ODAD3: variants seen among roughly 807,000 people sequenced by gnomAD.
The protein encoded by ODAD3 is outer dynein arm-docking complex subunit 3.
In ODAD3, 57 loss-of-function variants were observed where a neutral mutation model predicts 70.9. The ratio of observed to expected loss-of-function variants is 0.80; its 90% CI spans 0.65 to 1.00. ODAD3 has a LOEUF of 1.00. Ranked by LOEUF, ODAD3 falls within the 50% of genes least tolerant of loss-of-function variation. The pLI is 0.00. For synonymous variants in ODAD3, 327 were observed against 315.9 expected (o/e 1.04, Z -0.37); for missense variants, 797 against 763.9 (o/e 1.04, Z -0.51).
In ODAD3 at chr19:11,424,004, T is replaced by G; in HGVS notation, c.989A>C (p.Gln330Pro). Residue 330 changes from glutamine to proline, a missense_variant, in exon 8 of 13, where the codon CAG (glutamine) becomes CCG (proline). By Grantham distance (76) the Gln-to-Pro change is moderately conservative. Transcript: ENST00000356392. ...RKTHREHLLL[Q>P]SDDTIQDSLH... Reference sequence around the variant, plus strand: ...GCTGTCCTGGATGGTGTCGTCGGACTGTAGCAGCAGGTGCTCGCGGTGGGT... The same window carrying G: ...GCTGTCCTGGATGGTGTCGTCGGACGGTAGCAGCAGGTGCTCGCGGTGGGT... 1 of 1,611,464 alleles carries G rather than the reference T, an allele frequency of 6.2e-7. No homozygotes were observed. Among genetic ancestry groups the G allele is most frequent in the East Asian group, 2.2e-5 (1 of 44,858 alleles).
intron 1 of ODAD3, 128 bp downstream of exon 1, chr19:11,434,645 C>G (rs909254904): frequency 5.1e-6 from 6 of 1,184,778 alleles, no homozygotes; most frequent in Non-Finnish European, 5.9e-6. Context: ...AAAACATGAA[C>G]TAAGTATGAG....
chr19:11,433,320 G>A (rs1044567150), intron 1 of ODAD3, among the ~76,000 whole-genome samples: 1 of 152,100 alleles, frequency 6.6e-6, no homozygotes, highest in Non-Finnish European at 1.5e-5. Flanking sequence ...CTAATTTTTT[G>A]TATTTTTAGT....
chr19:11,435,186 T>G (rs1408297916), upstream of ODAD3: 5 of 1,428,480 alleles, frequency 3.5e-6, no homozygotes, highest in African/African-American at 5.7e-5. Context: ...CCTCCCCGTC[T>G]CTCTCCACTG....
In ODAD3 at chr19:11,425,269, ATATGTGTG is replaced by A. The variant is rs1356140690; in HGVS notation, c.963+867_963+874del. Among the ~76,000 whole-genome samples the A allele has an allele frequency of 2.3e-3, 330 of 140,456 alleles. 11 individuals carry two copies. The highest frequency in any genetic ancestry group is 3.0e-3 in the Non-Finnish European group (202 of 66,396). 92.1% of individuals were successfully genotyped at this position (140,456 alleles called of 152,430 possible). On this transcript the variant is annotated intron_variant, in intron 7 of 12. Coordinates refer to ENST00000356392, the MANE Select transcript of ODAD3 (RefSeq NM_145045.5). ...TATATATGTATATGTACATATGTGT[ATATGTGTG>A]TATATGTACATATGTGTATATATGT... is the stretch of plus-strand genomic sequence containing the variant.
In ODAD3 at chr19:11,420,967, G is replaced by C. The variant is rs200816649; in HGVS notation, c.1676-20C>G. On this transcript the variant is annotated intron_variant, in intron 12 of 12. Coordinates refer to ENST00000356392, the MANE Select transcript of ODAD3 (RefSeq NM_145045.5). ...CTTCGTCTAAGGGGGGTGGGGGGAT[G>C]AGCAGGGAGCGATGTGGGATCCAGG... 1 of 1,608,806 alleles carries C rather than the reference G, an allele frequency of 6.2e-7. No individual in the cohort carries two copies. The highest frequency in any genetic ancestry group is 1.7e-5 in the Admixed American group (1 of 60,002).
chr19:11,420,961 G>C lies in ODAD3; in HGVS notation c.1676-14C>G. The C allele has an allele frequency of 6.2e-7, 1 of 1,611,148 alleles. No homozygotes were observed. Among genetic ancestry groups the C allele is most frequent in the Non-Finnish European group, 8.5e-7 (1 of 1,177,574 alleles). ...CACTCTCTTCGTCTAAGGGGGGTGG[G>C]GGGATGAGCAGGGAGCGATGTGGGA... On this transcript the variant is annotated splice_polypyrimidine_tract_variant and intron_variant, in intron 12 of 12. Coordinates refer to ENST00000356392, the MANE Select transcript of ODAD3 (RefSeq NM_145045.5).
In ODAD3 at chr19:11,432,888, G is replaced by T. The variant is rs528446156; in HGVS notation, c.245-1868C>A. ...GGCTCACCGCAACCTCCACCTCCTG[G>T]GTTCAAGCCCCTCTCCTGCCTCAGC... is the stretch of plus-strand genomic sequence containing the variant. On this transcript the variant is annotated intron_variant, in intron 1 of 12. Coordinates refer to ENST00000356392, the MANE Select transcript of ODAD3 (RefSeq NM_145045.5). Among the ~76,000 whole-genome samples, 79 of 152,064 alleles carry T rather than the reference G, an allele frequency of 5.2e-4. 1 individual carries two copies. The highest frequency in any genetic ancestry group is 1.9e-3 in the African/African-American group (78 of 41,496).
rs1555722538 is a variant in ODAD3, at chr19:11,425,406, TATAC to T, written c.963+734_963+737del. Among the ~76,000 whole-genome samples the T allele has an allele frequency of 4.5e-5, 5 of 111,120 alleles. No individual in the cohort carries two copies. In the South Asian group the frequency reaches 1.2e-3, roughly 26 times the overall value. 72.9% of individuals were successfully genotyped at this position (111,120 alleles called of 152,430 possible). The stretch of plus-strand genomic sequence containing the variant: ...GTATGTACATATGTGTATATGTATA[TATAC>T]ATATATGTGTATATACACATATGTG... On this transcript the variant is annotated intron_variant, in intron 7 of 12. Transcript: ENST00000356392.
intron 1 of ODAD3, among the ~76,000 whole-genome samples, chr19:11,432,123 A>G (rs1315412600): frequency 6.6e-6 from 1 of 152,082 alleles, no homozygotes; most frequent in Admixed American, 6.6e-5. Flanking sequence ...AAAACAAAAC[A>G]AAACAAAACA....
chr19:11,434,779 GT>G lies in ODAD3; in HGVS notation c.237del (p.Gln79HisfsTer3). 6.2e-7 allele frequency: 1 copy of G among 1,612,210 alleles called. No homozygotes were observed. Among genetic ancestry groups the G allele is most frequent in the Non-Finnish European group, 8.5e-7 (1 of 1,178,582 alleles). ...CCCTCTGGAGCCATCTTACCTAACA[GT>G]TGTATCTTTTTATGTAACTCAGCCA... ...SQVAELHKKI[Q>X]LLEGDRKAFF... On this transcript the variant is annotated frameshift_variant, in exon 1 of 13. Coordinates refer to ENST00000356392, the MANE Select transcript of ODAD3 (RefSeq NM_145045.5). LOFTEE classifies it high-confidence loss of function.
At chr19:11,425,253 A>G (rs1450631772) in intron 7 of ODAD3, among the ~76,000 whole-genome samples, 2 of 140,678 alleles carry the variant, frequency 1.4e-5, no homozygotes, top group African/African-American at 5.8e-5. Flanking sequence ...GTATATATGT[A>G]TATGTACATA....
intron 6 of ODAD3, 55 bp from the exon 7 acceptor site, chr19:11,426,321 G>A (rs530734716): frequency 1.2e-6 from 2 of 1,609,670 alleles, no homozygotes; most frequent in East Asian, 2.2e-5. Context: ...ACTGCCCGCC[G>A]CAGGGTGCTG....
chr19:11,424,574 T>C lies in ODAD3; in HGVS notation c.964-545A>G, dbSNP rs539075067. 1.2e-3 allele frequency among the ~76,000 whole-genome samples: 167 copies of C among 139,098 alleles called. 1 individual carries two copies. Among genetic ancestry groups the C allele is most frequent in the African/African-American group, 4.8e-3 (158 of 32,860 alleles). 91.3% of individuals were successfully genotyped at this position (139,098 alleles called of 152,430 possible). Reference sequence around the variant, plus strand: ...ACCTATGTGTATATATGTATATATGTGTATATATACCTATGTGTATAAATA... The same window carrying C: ...ACCTATGTGTATATATGTATATATGCGTATATATACCTATGTGTATAAATA... On this transcript the variant is annotated intron_variant, in intron 7 of 12. Transcript: ENST00000356392.
intron 6 of ODAD3, 78 bp from the exon 7 acceptor site, chr19:11,426,344 G>A: frequency 6.2e-7 from 1 of 1,607,028 alleles, no homozygotes; most frequent in South Asian, 1.1e-5. Flanking sequence ...AGATAGATGG[G>A]GGCGGGGGCG....
In ODAD3 at chr19:11,434,970, G is replaced by A. The variant is rs1969630903; in HGVS notation, c.47C>T (p.Pro16Leu). Residue 16 changes from proline (P) to leucine (L), a missense_variant, in exon 1 of 13, where the codon CCT (proline) becomes CTT (leucine). Pro to Leu is a moderately conservative substitution (Grantham distance 98, BLOSUM62 -3). Transcript: ENST00000356392. ...AGAGGGCGTCGAAGCCTGGTCCTGAGGAGGCAGGGCGTTGGCGGAGGCCGC... is the reference window on the plus strand; with the variant it reads ...AGAGGGCGTCGAAGCCTGGTCCTGAAGAGGCAGGGCGTTGGCGGAGGCCGC... ...CRAASANALP[P>L]QDQASTPSSR... 6.2e-7 allele frequency: 1 copy of A among 1,613,608 alleles called. No homozygotes were observed. The highest frequency in any genetic ancestry group is 8.5e-7 in the Non-Finnish European group (1 of 1,180,042).
Position 11,426,668 on chromosome 19 carries a change from C to A in ODAD3, c.714+15G>T. On this transcript the variant is annotated intron_variant, in intron 5 of 12. Coordinates refer to ENST00000356392, the MANE Select transcript of ODAD3 (RefSeq NM_145045.5). ...TCCCTGTTTGTCATCTCACCCGAGC[C>A]CTCCTAGTCCCTACCATTAGATAGG... is the stretch of plus-strand genomic sequence containing the variant. 6.2e-7 allele frequency: 1 copy of A among 1,613,712 alleles called. No individual in the cohort carries two copies.
At position 11,420,704 on chromosome 19, in the gene ODAD3, G is replaced by A; in HGVS notation, c.*131C>T. On this transcript the variant is annotated 3_prime_UTR_variant, in exon 13 of 13. Coordinates refer to ENST00000356392, the MANE Select transcript of ODAD3 (RefSeq NM_145045.5). ...CTGGCCCGGCCCCTTCCTCCCCTCC[G>A]GGCGCCGCTGGCCGCCTCCGTTCCC... The A allele has an allele frequency of 2.9e-6, 2 of 699,328 alleles. No individual in the cohort carries two copies. Among genetic ancestry groups the A allele is most frequent in the Non-Finnish European group, 4.9e-6 (2 of 408,912 alleles). The allele number at this position is 699,328 out of a possible 1,614,324, so 43.3% of individuals were successfully genotyped here.
In ODAD3 at chr19:11,422,407, C is replaced by T. The variant is rs1421639618; in HGVS notation, c.1434+64G>A. The T allele has an allele frequency of 6.8e-7, 1 of 1,463,806 alleles. No homozygotes were observed. The highest frequency in any genetic ancestry group is 2.5e-5 in the East Asian group (1 of 40,092). 90.7% of individuals were successfully genotyped at this position (1,463,806 alleles called of 1,614,324 possible). A position where few individuals can be genotyped will look rare whatever the true frequency, so the allele number is the denominator to read the frequency against. ...GCAAGCTGGTGTGGCAGGAACCCCG[C>T]TTCGTGGCTGCGCCTCTGCGGTCCC... On this transcript the variant is annotated intron_variant, in intron 10 of 12. Coordinates refer to ENST00000356392, the MANE Select transcript of ODAD3 (RefSeq NM_145045.5). This position sits in a 1 kb window ranked among gnomAD's most constrained non-coding sequence, Gnocchi z 4.6.
intron 5 of ODAD3, 37 bp downstream of exon 5, chr19:11,426,646 C>T (rs1351484071): frequency 1.2e-6 from 2 of 1,613,554 alleles, no homozygotes; most frequent in Admixed American, 3.3e-5. Context: ...CCCGCCCTCC[C>T]TGTTTGTCAT....
Sources: gnomAD v4.1 joint callset for allele counts (sites outside exome capture counted in the v4.1 genomes callset) on GRCh38, gnomAD v4.1.1 for gene constraint, Gnocchi (gnomAD v3.1) non-coding constraint, MANE v1.5 for transcripts, NCBI Gene and HGNC (gene_info 2026-07-23, HGNC 2026-07-21) for gene names.